ZNF385D: variants seen among roughly 807,000 people sequenced by gnomAD.
ZNF385D encodes zinc finger protein 659.
ZNF385D carries 15 observed loss-of-function variants against 35.8 expected under a neutral mutation model. The ratio of observed to expected loss-of-function variants is 0.42; its 90% CI spans 0.28 to 0.64. The LOEUF (loss-of-function observed/expected upper bound fraction) is 0.64. Among genes scored for constraint, ZNF385D ranks in the 30% least tolerant of loss-of-function variants. The pLI, the probability that ZNF385D is intolerant of heterozygous loss-of-function variation, is 0.23. For missense variants in ZNF385D, 474 were observed against 494.6 expected (o/e 0.96, Z 0.39); for synonymous variants, 212 against 186.8 (o/e 1.13, Z -1.10).
At chr3:21,642,235 G>A (rs1178102326) in intron 2 of ZNF385D, among the ~76,000 whole-genome samples, 1 of 152,048 alleles carries the variant, frequency 6.6e-6, no homozygotes, top group African/African-American at 2.4e-5. Context: ...AAAACGCTTT[G>A]CATTCCATCG....
chr3:21,812,745 C>G (rs2072982400), intron 3 of ZNF385D, among the ~76,000 whole-genome samples: 1 of 152,210 alleles, frequency 6.6e-6, no homozygotes, highest in Non-Finnish European at 1.5e-5. Context: ...GGCCTGCCTG[C>G]CTCTGTAGAC....
chr3:22,007,542 T>A (rs1326230426), intron 3 of ZNF385D, among the ~76,000 whole-genome samples: 2 of 152,188 alleles, frequency 1.3e-5, no homozygotes, highest in African/African-American at 2.4e-5. Flanking sequence ...GGGAAATGGT[T>A]ATGTAATTTT....
chr3:21,712,436 T>C (rs1280225890), intron 1 of ZNF385D, among the ~76,000 whole-genome samples: 2 of 152,246 alleles, frequency 1.3e-5, no homozygotes, highest in African/African-American at 4.8e-5. Flanking sequence ...TTATGTGGAA[T>C]GTCACTTCCA....
chr3:22,238,455 G>A lies in ZNF385D; in HGVS notation c.107-69420C>T, dbSNP rs139281293. On this transcript the variant is annotated intron_variant, in intron 2 of 5. Coordinates refer to the ZNF385D transcript ENST00000494108. ...TTTCAGTCTACAAATATGAAATGCC[G>A]TTCCACTTACTTAGGATTTTTTTCA... 5.7e-3 allele frequency among the ~76,000 whole-genome samples: 856 copies of A among 150,806 alleles called. 59 individuals carry two copies. Among genetic ancestry groups the A allele is most frequent in the African/African-American group, 0.019 (782 of 40,794 alleles).
chr3:21,511,891 G>C (rs1355732951), intron 3 of ZNF385D: 1 of 429,210 alleles, frequency 2.3e-6, no homozygotes, highest in Non-Finnish European at 4.6e-6. Flanking sequence ...GCTCATGACT[G>C]TAATCCAAGC....
intron 3 of ZNF385D, among the ~76,000 whole-genome samples, chr3:22,021,394 G>C (rs1697216818): frequency 1.3e-5 from 2 of 151,948 alleles, no homozygotes; most frequent in Non-Finnish European, 2.9e-5. Flanking sequence ...TCAGGCATTA[G>C]AAGGATAGAA....
chr3:22,300,009 G>C (rs1702810907), intron 2 of ZNF385D, among the ~76,000 whole-genome samples: 1 of 151,786 alleles, frequency 6.6e-6, no homozygotes, highest in Non-Finnish European at 1.5e-5. Context: ...AAGCAATCTT[G>C]AGCACAAAGA....
chr3:21,924,803 C>A (rs771031953), intron 3 of ZNF385D, among the ~76,000 whole-genome samples: 1 of 152,056 alleles, frequency 6.6e-6, no homozygotes, highest in Non-Finnish European at 1.5e-5. Context: ...CCCCCTCCCA[C>A]ACAAAATTAA....
intron 3 of ZNF385D, among the ~76,000 whole-genome samples, chr3:21,784,805 G>T (rs1431680221): frequency 6.6e-6 from 1 of 152,076 alleles, no homozygotes; most frequent in Admixed American, 6.6e-5. Flanking sequence ...CAATTTTAGT[G>T]ATGTCTCTCC....
intron 3 of ZNF385D, among the ~76,000 whole-genome samples, chr3:22,073,502 A>G (rs1700324975): frequency 6.6e-6 from 1 of 152,022 alleles, no homozygotes; most frequent in Non-Finnish European, 1.5e-5. Flanking sequence ...TTATTTTTAA[A>G]AAGTGTAAAA....
rs998566333 is a variant in ZNF385D at position 21,761,944 on chromosome 3, T to C, written c.326-96916A>G. On this transcript the variant is annotated intron_variant, in intron 3 of 5. Transcript: ENST00000494108. ...ACCAGGTTGGAGTGCAGTGGCGCGA[T>C]CTCGGCTCACTGCAACCTCTGACTT... Among the ~76,000 whole-genome samples, 9 of 136,158 alleles carry C rather than the reference T, an allele frequency of 6.6e-5. No homozygotes were observed. In the Admixed American group the frequency reaches 7.6e-4, roughly 11 times the overall value. The allele number at this position is 136,158 out of a possible 152,430, so 89.3% of individuals were successfully genotyped here. A position where few individuals can be genotyped will look rare whatever the true frequency, so the allele number is the denominator to read the frequency against.
chr3:21,603,712 T>C (rs548277908), intron 2 of ZNF385D, among the ~76,000 whole-genome samples: 1 of 152,138 alleles, frequency 6.6e-6, no homozygotes, highest in Non-Finnish European at 1.5e-5. Context: ...CAAGTAGTAA[T>C]CAATTTTAAA....
chr3:22,360,496 G>A (rs1316683687), intron 2 of ZNF385D, among the ~76,000 whole-genome samples: 3 of 151,762 alleles, frequency 2.0e-5, no homozygotes, highest in Admixed American at 6.6e-5. Context: ...CTATATACTC[G>A]AGGATAATCA....
chr3:21,928,350 CGAAG>C (rs897509971), intron 3 of ZNF385D, among the ~76,000 whole-genome samples: 7 of 128,858 alleles, frequency 5.4e-5, no homozygotes, highest in East Asian at 2.2e-4. Flanking sequence ...GAGGGAGGGA[CGAAG>C]GAAGGAAGGA....
At chr3:21,997,364 G>C (rs1308720890) in intron 3 of ZNF385D, among the ~76,000 whole-genome samples, 5 of 152,108 alleles carry the variant, frequency 3.3e-5, no homozygotes, top group Non-Finnish European at 7.3e-5. Flanking sequence ...TGGGGGGATT[G>C]GGGAGGGATA....
At chr3:22,291,506 T>C (rs1337729381) in intron 2 of ZNF385D, among the ~76,000 whole-genome samples, 1 of 152,196 alleles carries the variant, frequency 6.6e-6, no homozygotes, top group South Asian at 2.1e-4. Flanking sequence ...TTCCTATATA[T>C]CTTTTATAAT....
intron 3 of ZNF385D, among the ~76,000 whole-genome samples, chr3:21,977,914 C>T (rs1281362731): frequency 1.3e-5 from 2 of 152,090 alleles, no homozygotes; most frequent in African/African-American, 4.8e-5. Flanking sequence ...AGAATGCAGG[C>T]TGTTTAAGGG....
intron 6 of ZNF385D, among the ~76,000 whole-genome samples, chr3:21,424,313 A>ATTT (rs1553628859): frequency 3.9e-5 from 2 of 50,950 alleles, no homozygotes; most frequent in African/African-American, 1.2e-4. Context: ...ATATATATAT[A>ATTT]TATATTTTTT....
intron 2 of ZNF385D, among the ~76,000 whole-genome samples, chr3:22,208,437 C>T (rs1261152744): frequency 2.0e-5 from 3 of 151,170 alleles, no homozygotes; most frequent in East Asian, 2.0e-4. Context: ...TTACCAGAGG[C>T]TGGCAAGTGT....
Sources: gnomAD v4.1 joint callset for allele counts (sites outside exome capture counted in the v4.1 genomes callset) on GRCh38, gnomAD v4.1.1 for gene constraint, MANE v1.5 for transcripts, NCBI Gene and HGNC (gene_info 2026-07-23, HGNC 2026-07-21) for gene names.